Variants in CSMD3 observed in about 807,000 individuals in gnomAD.
The protein encoded by CSMD3 is CUB and Sushi multiple domains 3.
A neutral mutation model predicts 435.2 loss-of-function variants in CSMD3; 177 were observed. The ratio of observed to expected loss-of-function variants is 0.41; its 90% CI spans 0.36 to 0.46. CSMD3 has a LOEUF of 0.46. Among genes scored for constraint, CSMD3 ranks in the 20% least tolerant of loss-of-function variants. CSMD3 has a pLI of 0.34. For missense variants in CSMD3, 4,265 were observed against 4,504.6 expected, an observed-to-expected ratio of 0.95 and a Z score of 1.52; for synonymous variants, 1,656 against 1,520.5, an observed-to-expected ratio of 1.09 and a Z score of -2.07.
At chr8:113,148,321 C>G (rs1157054385) in intron 4 of CSMD3, among the ~76,000 whole-genome samples, 1 of 151,684 alleles carries the variant, frequency 6.6e-6, no homozygotes, top group Admixed American at 6.6e-5. Flanking sequence ...TCATCTTTAT[C>G]TATTTACTCT....
chr8:112,430,241 G>A (rs946870926), intron 32 of CSMD3, among the ~76,000 whole-genome samples: 1 of 151,912 alleles, frequency 6.6e-6, no homozygotes, highest in African/African-American at 2.4e-5. Context: ...TAGCCATAAA[G>A]AGACTCAAAT....
At chr8:112,889,551 G>T (rs758817835) in intron 10 of CSMD3, among the ~76,000 whole-genome samples, 7 of 151,578 alleles carry the variant, frequency 4.6e-5, no homozygotes, top group Admixed American at 1.3e-4. Context: ...GGAAATGTGT[G>T]TCTTTTGTCT....
chr8:112,560,598 C>T (rs1828533638), intron 24 of CSMD3, among the ~76,000 whole-genome samples: 1 of 151,610 alleles, frequency 6.6e-6, no homozygotes, highest in Admixed American at 6.6e-5. Flanking sequence ...TTTGGGTGAA[C>T]ATGCAAACAG....
intron 4 of CSMD3, among the ~76,000 whole-genome samples, chr8:113,117,442 C>T (rs2090865534): frequency 6.6e-6 from 1 of 152,172 alleles, no homozygotes; most frequent in Admixed American, 6.5e-5. Flanking sequence ...CCTGGATGTC[C>T]AGGCAGAAAT....
At chr8:112,658,409 T>G (rs1244533201) in intron 17 of CSMD3, among the ~76,000 whole-genome samples, 2 of 152,124 alleles carry the variant, frequency 1.3e-5, no homozygotes, top group African/African-American at 4.8e-5. Context: ...ATCGTATCAG[T>G]CTCTGATATT....
chr8:112,384,473 C>T (rs555866473), intron 36 of CSMD3, among the ~76,000 whole-genome samples: 3 of 152,254 alleles, frequency 2.0e-5, no homozygotes, highest in Non-Finnish European at 4.4e-5. Context: ...ACAGGACCCT[C>T]ACAACTACGG....
intron 13 of CSMD3, among the ~76,000 whole-genome samples, chr8:112,706,529 A>G (rs1033138636): frequency 6.6e-6 from 1 of 152,062 alleles, no homozygotes; most frequent in African/African-American, 2.4e-5. Flanking sequence ...GTAGCTCGTG[A>G]CTTTTTAGGT....
chr8:112,815,868 A>G (rs2079361207), intron 12 of CSMD3, among the ~76,000 whole-genome samples: 1 of 152,196 alleles, frequency 6.6e-6, no homozygotes, highest in African/African-American at 2.4e-5. Context: ...CAATAAACAA[A>G]ATGACAAAGA....
At chr8:113,037,760 C>G (rs958056268) in intron 5 of CSMD3, among the ~76,000 whole-genome samples, 6 of 151,772 alleles carry the variant, frequency 4.0e-5, no homozygotes, top group Non-Finnish European at 7.4e-5. Flanking sequence ...AGGCAAGGAT[C>G]AGACAATGGA....
intron 13 of CSMD3, among the ~76,000 whole-genome samples, chr8:112,752,627 T>C (rs1342687014): frequency 1.3e-5 from 2 of 152,066 alleles, no homozygotes; most frequent in Non-Finnish European, 2.9e-5. Flanking sequence ...TAAATATTCA[T>C]TCTGAAGTTA....
chr8:113,172,000 A>G (rs916114203), intron 4 of CSMD3, among the ~76,000 whole-genome samples: 3 of 152,180 alleles, frequency 2.0e-5, no homozygotes, highest in African/African-American at 7.2e-5. Context: ...TTCATCTCTT[A>G]TAATACCATT....
At chr8:112,940,029 G>A (rs974438317) in intron 9 of CSMD3, among the ~76,000 whole-genome samples, 7 of 151,748 alleles carry the variant, frequency 4.6e-5, no homozygotes, top group Admixed American at 6.6e-5. Flanking sequence ...ATATACTAAC[G>A]GTCTCTTTGT....
chr8:112,809,658 C>A, intron 12 of CSMD3, among the ~76,000 whole-genome samples: 1 of 152,100 alleles, frequency 6.6e-6, no homozygotes, highest in East Asian at 1.9e-4. Context: ...TTCCAAACAG[C>A]TAGGAATTGG....
intron 13 of CSMD3, among the ~76,000 whole-genome samples, chr8:112,729,069 T>C (rs185625062): frequency 6.6e-6 from 1 of 152,162 alleles, no homozygotes; most frequent in East Asian, 1.9e-4. Flanking sequence ...AACAAGTTTT[T>C]GAAAGTAAAA....
chr8:112,346,941 C>T (rs1442807774), intron 40 of CSMD3, among the ~76,000 whole-genome samples: 1 of 151,954 alleles, frequency 6.6e-6, no homozygotes, highest in Non-Finnish European at 1.5e-5. Context: ...GGCCTCCTAT[C>T]CTTTTCCTCT....
chr8:113,399,652 G>C (rs982470916), intron 1 of CSMD3, among the ~76,000 whole-genome samples: 4 of 151,898 alleles, frequency 2.6e-5, no homozygotes, highest in African/African-American at 7.2e-5. Context: ...AGGGTGAGGG[G>C]AGGATCGTGA....
At position 112,834,554 on chromosome 8, in the gene CSMD3, A is replaced by T. The variant is rs1395185879; in HGVS notation, c.1756-4765T>A. ...AGCTTAGGAAAACAAAAACAAAATG[A>T]CAACAAAACTTGTTCATTCTATAAT... is the stretch of plus-strand genomic sequence containing the variant. On this transcript the variant is annotated intron_variant, in intron 11 of 70. Coordinates refer to ENST00000297405, the MANE Select transcript of CSMD3 (RefSeq NM_198123.2). 2.0e-5 allele frequency among the ~76,000 whole-genome samples: 3 copies of T among 151,740 alleles called. No homozygotes were observed. In the East Asian group the frequency reaches 5.8e-4, roughly 29 times the overall value.
At chr8:113,344,772 A>G (rs7828401) in intron 1 of CSMD3, among the ~76,000 whole-genome samples, 15,827 of 152,184 alleles carry the variant, frequency 0.1, 958 homozygotes, top group Middle Eastern at 0.17. Flanking sequence ...AAGTTCTCTC[A>G]TCACGCAAAT....
At chr8:112,659,519 A>C (rs941745997) in intron 17 of CSMD3, among the ~76,000 whole-genome samples, 1 of 152,162 alleles carries the variant, frequency 6.6e-6, no homozygotes, top group African/African-American at 2.4e-5. Context: ...CATTAACTTA[A>C]AAAAATATTC....
Sources: allele counts gnomAD v4.1 joint callset (sites outside exome capture counted in the v4.1 genomes callset), GRCh38; gene constraint gnomAD v4.1.1; transcripts MANE v1.5; gene names NCBI Gene and HGNC (gene_info 2026-07-23, HGNC 2026-07-21).